STAP2: variants seen among roughly 807,000 people sequenced by gnomAD.
The protein encoded by STAP2 is signal-transducing adaptor protein 2.
STAP2 carries 58 observed loss-of-function variants against 52.7 expected under a neutral mutation model. The observed-to-expected ratio is 1.10, with a 90% CI of 0.89 to 1.37. The LOEUF is 1.37. STAP2 is among the 40% of genes most tolerant of loss of function. STAP2 has a pLI of 0.00. For synonymous variants in STAP2, 231 were observed against 210.5 expected (o/e 1.10, Z -0.84); for missense variants, 522 against 519.4 (o/e 1.00, Z -0.05).
intron 5 of STAP2, among the ~76,000 whole-genome samples, chr19:4,329,301 C>G (rs185023966): frequency 6.6e-6 from 1 of 151,604 alleles, no homozygotes; most frequent in East Asian, 1.9e-4. Flanking sequence ...GAGATGGGGT[C>G]TCGCTATGTT....
chr19:4,325,312 C>A lies in STAP2; in HGVS notation c.980-4G>T. 6.2e-7 allele frequency: 1 copy of A among 1,614,168 alleles called. No homozygotes were observed. The highest frequency in any genetic ancestry group is 8.5e-7 in the Non-Finnish European group (1 of 1,180,018). On this transcript the variant is annotated splice_polypyrimidine_tract_variant and splice_region_variant and intron_variant, in intron 10 of 12. Coordinates refer to ENST00000594605, the MANE Select transcript of STAP2 (RefSeq NM_001013841.2). Reference sequence around the variant, plus strand: ...ACTGGCCAACTAGAGGAAGCCACTGCGTGGACAAAAGTGTAACGTGTCACA... The same window carrying A: ...ACTGGCCAACTAGAGGAAGCCACTGAGTGGACAAAAGTGTAACGTGTCACA...
In STAP2 at chr19:4,325,494, TG is replaced by T. The variant is rs1971776486; in HGVS notation, c.880del (p.Gln294ArgfsTer18). ...GPKPLSPASS[Q>X]DKLPPLPPLP... ...TGGGGGCAGTGGGGGCAGCTTGTCCTGGCTAGACGCAGGTGACAGCGGCTTG... is the reference window on the plus strand; with the variant it reads ...TGGGGGCAGTGGGGGCAGCTTGTCCTGCTAGACGCAGGTGACAGCGGCTTG... On this transcript the variant is annotated frameshift_variant, in exon 10 of 13. Coordinates refer to ENST00000594605, the MANE Select transcript of STAP2 (RefSeq NM_001013841.2). LOFTEE classifies it high-confidence loss of function. 2 of 1,612,590 alleles carry T rather than the reference TG, an allele frequency of 1.2e-6. No individual in the cohort carries two copies. Among genetic ancestry groups the T allele is most frequent in the Middle Eastern group, 1.6e-4 (1 of 6,072 alleles).
At chr19:4,324,962 G>A (rs545647113) in intron 11 of STAP2, 19 of 475,596 alleles carry the variant, frequency 4.0e-5, no homozygotes, top group South Asian at 3.1e-4. Context: ...GTGAAACCCC[G>A]TCTCTACTAA....
At chr19:4,338,434 GAA>G (rs918073025) in intron 1 of STAP2, among the ~76,000 whole-genome samples, 5 of 152,166 alleles carry the variant, frequency 3.3e-5, no homozygotes, top group Non-Finnish European at 7.4e-5. Flanking sequence ...CAGGGAGAGA[GAA>G]AGAGAAAAAG....
intron 12 of STAP2, 79 bp from the exon 13 acceptor site, chr19:4,324,276 C>A: frequency 6.8e-7 from 1 of 1,462,474 alleles, no homozygotes; most frequent in East Asian, 2.5e-5. Context: ...CCACCCAGGA[C>A]CAGCTACAGA....
intron 4 of STAP2, among the ~76,000 whole-genome samples, chr19:4,330,634 T>C (rs917297334): frequency 1.4e-5 from 2 of 144,424 alleles, no homozygotes; most frequent in African/African-American, 5.2e-5. Context: ...CCTGCCAGGG[T>C]GAGGTAGGAA....
At chr19:4,324,757 G>A (rs759032500) in intron 11 of STAP2, 15 of 510,328 alleles carry the variant, frequency 2.9e-5, no homozygotes, top group African/African-American at 1.7e-4. Context: ...ACTTGAACCC[G>A]GCAGACAGAG....
intron 9 of STAP2, 132 bp downstream of exon 9, chr19:4,326,810 G>A: frequency 8.3e-7 from 1 of 1,199,014 alleles, no homozygotes; most frequent in Non-Finnish European, 1.2e-6. Flanking sequence ...GGCAGGGTCT[G>A]AGTCATTTCT....
intron 9 of STAP2, among the ~76,000 whole-genome samples, chr19:4,326,147 C>T (rs1001235489): frequency 2.0e-5 from 3 of 152,216 alleles, no homozygotes; most frequent in African/African-American, 4.8e-5. Flanking sequence ...TGTATCTACA[C>T]GTGTCCGAGT....
chr19:4,338,826 A>G lies in STAP2; in HGVS notation c.-73T>C. Reference sequence around the variant, plus strand: ...CAGCTGGGCCGGGAAGCTGAGAAACAGGTTTCAGGGGAGTTTCCTGTGTCA... The same window carrying G: ...CAGCTGGGCCGGGAAGCTGAGAAACGGGTTTCAGGGGAGTTTCCTGTGTCA... On this transcript the variant is annotated 5_prime_UTR_variant, in exon 1 of 13. Transcript: ENST00000594605. The G allele has an allele frequency of 3.9e-6, 6 of 1,547,404 alleles. No individual in the cohort carries two copies. The highest frequency in any genetic ancestry group is 5.3e-6 in the Non-Finnish European group (6 of 1,141,362).
chr19:4,338,600 C>T (rs563608376), intron 1 of STAP2, 52 bp downstream of exon 1: 40 of 1,519,962 alleles, frequency 2.6e-5, no homozygotes, highest in Admixed American at 2.1e-4. Context: ...AGAGAGGTGC[C>T]GCAGCTCCCC....
chr19:4,324,151 C>T lies in STAP2; in HGVS notation c.1194G>A (p.Arg398=), dbSNP rs1320065192. Reference sequence around the variant, plus strand: ...GTCCGAATCAGTGCTCCAGTGCCCGCCTCTTCTCCAGCTTCTTCTGTAGCT... The same window carrying T: ...GTCCGAATCAGTGCTCCAGTGCCCGTCTCTTCTCCAGCTTCTTCTGTAGCT... ...TAELQKKLEK[R]RALEH is the part of the protein sequence containing the mutation. Residue 398 remains arginine (R), a synonymous_variant, in exon 13 of 13, where the codon AGG becomes AGA. Transcript: ENST00000594605. 1 of 1,551,626 alleles carries T rather than the reference C, an allele frequency of 6.4e-7. No homozygotes were observed. Among genetic ancestry groups the T allele is most frequent in the East Asian group, 2.4e-5 (1 of 40,922 alleles).
intron 5 of STAP2, among the ~76,000 whole-genome samples, chr19:4,329,500 C>T (rs1212778083): frequency 6.6e-6 from 1 of 152,050 alleles, no homozygotes; most frequent in East Asian, 1.9e-4. Flanking sequence ...GAGATCCTGT[C>T]CCGCCCTCCA....
At chr19:4,325,608 G>A (rs1017133982) in intron 9 of STAP2, 63 bp from the exon 10 acceptor site, 244 of 1,506,672 alleles carry the variant, frequency 1.6e-4, no homozygotes, top group Non-Finnish European at 2.0e-4. Context: ...GCAGGTTGGC[G>A]GGGGGGTCTG....
At chr19:4,336,309 A>G (rs1599556358) in intron 1 of STAP2, among the ~76,000 whole-genome samples, 1 of 111,908 alleles carries the variant, frequency 8.9e-6, no homozygotes, top group African/African-American at 3.6e-5. Context: ...GCCACTGCAC[A>G]CTGCCTTTTT....
chr19:4,328,708 C>T lies in STAP2; in HGVS notation c.557G>A (p.Gly186Asp), dbSNP rs1195381347. The T allele has an allele frequency of 6.2e-7, 1 of 1,606,154 alleles. No individual in the cohort carries two copies. Among genetic ancestry groups the T allele is most frequent in the Admixed American group, 1.7e-5 (1 of 59,420 alleles). ...CATCTGCCGCGTGGTGACCGACACG[C>T]CGTCGGCGCCGTCCCCGCTGGGCCG... ...LLRPSGDGAD[G>D]VSVTTRQMHN... Residue 186 changes from glycine (G) to aspartate (D), a missense_variant, in exon 6 of 13, where the codon GGC becomes GAC. Coordinates refer to ENST00000594605, the MANE Select transcript of STAP2 (RefSeq NM_001013841.2).
At chr19:4,326,142 C>G (rs1971789159) in intron 9 of STAP2, among the ~76,000 whole-genome samples, 1 of 152,224 alleles carries the variant, frequency 6.6e-6, no homozygotes, top group African/African-American at 2.4e-5. Flanking sequence ...GCCCGTGTAT[C>G]TACACGTGTC....
chr19:4,333,860 C>G (rs1442789642), intron 2 of STAP2, 44 bp from the exon 3 acceptor site: 1 of 1,613,318 alleles, frequency 6.2e-7, no homozygotes, highest in South Asian at 1.1e-5. Context: ...GTTCCTTGGC[C>G]TCCAGGCCCC....
chr19:4,334,284 C>T (rs546974918), intron 1 of STAP2, among the ~76,000 whole-genome samples: 2 of 152,112 alleles, frequency 1.3e-5, no homozygotes, highest in East Asian at 1.9e-4. Flanking sequence ...GACGGAACCT[C>T]GATGTGATGA....
Sources: gnomAD v4.1 joint callset for allele counts (sites outside exome capture counted in the v4.1 genomes callset) on GRCh38, gnomAD v4.1.1 for gene constraint, MANE v1.5 for transcripts, NCBI Gene and HGNC (gene_info 2026-07-23, HGNC 2026-07-21) for gene names.